The following KANSL1 variants were observed in gnomAD, a reference collection of about 807,000 sequenced individuals.
KANSL1 encodes KAT8 regulatory NSL complex subunit 1.
A neutral mutation model predicts 103.6 loss-of-function variants in KANSL1; 22 were observed. That is an observed-to-expected ratio of 0.21 (90% confidence interval 0.15 to 0.30). The LOEUF is 0.30. Among genes scored for constraint, KANSL1 ranks in the 10% least tolerant of loss-of-function variants. The probability of loss-of-function intolerance (pLI) is 1.00; values close to 1 mark genes in which losing one functional copy is unlikely to be tolerated. For missense variants in KANSL1, 1,337 were observed against 1,399.8 expected, an observed-to-expected ratio of 0.96 and a Z score of 0.72; for synonymous variants, 600 against 527.6, an observed-to-expected ratio of 1.14 and a Z score of -1.88.
intron 2 of KANSL1, among the ~76,000 whole-genome samples, chr17:46,120,792 TGAA>T (rs1425678117): frequency 6.6e-6 from 1 of 152,250 alleles, no homozygotes; most frequent in Non-Finnish European, 1.5e-5. Flanking sequence ...CGCTTTGTTT[TGAA>T]TTTTGACAAA....
intron 1 of KANSL1, among the ~76,000 whole-genome samples, chr17:46,214,451 C>T (rs560964872): frequency 1.4e-4 from 22 of 152,208 alleles, no homozygotes; most frequent in Non-Finnish European, 2.6e-4. Context: ...GTCAGGAGTT[C>T]GCAACCAGCC....
chr17:46,133,678 T>C (rs914428696), intron 2 of KANSL1, among the ~76,000 whole-genome samples: 5 of 152,234 alleles, frequency 3.3e-5, no homozygotes, highest in African/African-American at 9.6e-5. Flanking sequence ...TACAAAATAG[T>C]TGTTAAAAGT....
chr17:46,130,250 C>A (rs1204696618), intron 2 of KANSL1, among the ~76,000 whole-genome samples: 7 of 147,166 alleles, frequency 4.8e-5, no homozygotes, highest in African/African-American at 1.7e-4. Flanking sequence ...ATGCTGGAGA[C>A]CCACACCAGA....
intron 1 of KANSL1, among the ~76,000 whole-genome samples, chr17:46,209,643 G>T (rs1036208551): frequency 6.6e-6 from 1 of 152,126 alleles, no homozygotes; most frequent in African/African-American, 2.4e-5. Flanking sequence ...ACAGGCATGT[G>T]CCACCACATT....
At chr17:46,052,032 G>GAA (rs112384186) in intron 6 of KANSL1, among the ~76,000 whole-genome samples, 1 of 149,632 alleles carries the variant, frequency 6.7e-6, no homozygotes. Flanking sequence ...ATTGTTTTGG[G>GAA]AAAAAAAAAA....
chr17:46,087,359 T>C (rs1304277286), intron 3 of KANSL1, among the ~76,000 whole-genome samples: 4 of 152,208 alleles, frequency 2.6e-5, no homozygotes, highest in Non-Finnish European at 5.9e-5. Flanking sequence ...CTGGATCCTC[T>C]AATTTAATAC....
chr17:46,172,501 G>A (rs2046336933), intron 1 of KANSL1, among the ~76,000 whole-genome samples: 1 of 152,048 alleles, frequency 6.6e-6, no homozygotes, highest in Non-Finnish European at 1.5e-5. Context: ...ACACAAGTTC[G>A]ATTCAGAGAA....
intron 1 of KANSL1, among the ~76,000 whole-genome samples, chr17:46,220,703 T>C (rs567552003): frequency 3.2e-4 from 49 of 152,380 alleles, no homozygotes; most frequent in African/African-American, 1.1e-3. Context: ...TTGCTGTTGT[T>C]TGAGACAGAG....
intron 4 of KANSL1, among the ~76,000 whole-genome samples, chr17:46,078,475 T>A (rs1340118558): frequency 6.6e-6 from 1 of 152,180 alleles, no homozygotes; most frequent in East Asian, 1.9e-4. Flanking sequence ...CCCCTCCCCA[T>A]CTCCCATAGC....
Position 46,031,359 on chromosome 17 carries a change from TA to T in KANSL1, c.*116del. 1 of 954,370 alleles carries T rather than the reference TA, an allele frequency of 1.0e-6. No individual in the cohort carries two copies. Among genetic ancestry groups the T allele is most frequent in the South Asian group, 1.8e-5 (1 of 56,248 alleles). The allele number at this position is 954,370 out of a possible 1,614,324, so 59.1% of individuals were successfully genotyped here. On this transcript the variant is annotated 3_prime_UTR_variant, in exon 15 of 15. Transcript: ENST00000432791. ...ATACCAAAGTAGGATCTAAATTCCT[TA>T]AGTTCACTAAAAACTGTGAAAATTT...
At chr17:46,062,346 TAAC>T (rs887936543) in intron 6 of KANSL1, among the ~76,000 whole-genome samples, 3 of 140,364 alleles carry the variant, frequency 2.1e-5, no homozygotes, top group African/African-American at 7.7e-5. Context: ...ACAAGTGATA[TAAC>T]AACAGCTTTT....
chr17:46,053,005 A>AAAAAAAAAAAAG, intron 6 of KANSL1, among the ~76,000 whole-genome samples: 1 of 119,982 alleles, frequency 8.3e-6, no homozygotes, highest in Non-Finnish European at 1.7e-5. Context: ...AAAAAAAAAA[A>AAAAAAAAAAAAG]GGCTGCGCAT....
intron 7 of KANSL1, among the ~76,000 whole-genome samples, chr17:46,048,495 A>G (rs1386862100): frequency 6.6e-6 from 1 of 151,994 alleles, no homozygotes; most frequent in East Asian, 1.9e-4. Context: ...TGAACCCAGG[A>G]GGTGGGGGCT....
intron 2 of KANSL1, among the ~76,000 whole-genome samples, chr17:46,132,127 C>CA (rs1012201077): frequency 0.019 from 2,755 of 141,908 alleles, 79 homozygotes; most frequent in African/African-American, 0.066. Flanking sequence ...AACTCCATCT[C>CA]AAAAAAAAAA....
At chr17:46,211,094 T>C (rs906304089) in intron 1 of KANSL1, among the ~76,000 whole-genome samples, 9 of 152,118 alleles carry the variant, frequency 5.9e-5, no homozygotes, top group Non-Finnish European at 1.0e-4. Flanking sequence ...TGTTACAGCA[T>C]GGACAAATGA....
At position 46,172,184 on chromosome 17, in the gene KANSL1, G is replaced by A. The variant is rs376385390; in HGVS notation, c.-41C>T. 36 of 1,569,978 alleles carry A rather than the reference G, an allele frequency of 2.3e-5. No homozygotes were observed. Among genetic ancestry groups the A allele is most frequent in the South Asian group, 3.4e-5 (3 of 88,858 alleles). On this transcript the variant is annotated 5_prime_UTR_variant, in exon 2 of 15. Transcript: ENST00000432791. ...AGGAAGTCCAGCCTCTCCCGATGCCGAGGCCGAGGCCAGCTCCACGGCCCC... is the reference window on the plus strand; with the variant it reads ...AGGAAGTCCAGCCTCTCCCGATGCCAAGGCCGAGGCCAGCTCCACGGCCCC...
Position 46,067,619 on chromosome 17 carries a change from CAAT to C in KANSL1, c.1579_1581del (p.Ile527del), listed in dbSNP as rs1418530749. On this transcript the variant is annotated inframe_deletion, in exon 5 of 15. Transcript: ENST00000432791. ...GTAGACAGTGACTCTGAAATATGACCAATAATAGGGGCACCATGGTTTTCCAAT... is the reference window on the plus strand; with the variant it reads ...GTAGACAGTGACTCTGAAATATGACCAATAGGGGCACCATGGTTTTCCAAT... 2 of 1,607,182 alleles carry C rather than the reference CAAT, an allele frequency of 1.2e-6. No homozygotes were observed. The highest frequency in any genetic ancestry group is 3.3e-5 in the Admixed American group (2 of 59,964).
At chr17:46,196,915 C>A (rs2147961449), upstream of KANSL1, among the ~76,000 whole-genome samples, 1 of 152,092 alleles carries the variant, frequency 6.6e-6, no homozygotes, top group East Asian at 1.9e-4. Flanking sequence ...GAGAACAGCC[C>A]AGGGAAAACA....
chr17:46,033,857 C>A (rs920157869), intron 11 of KANSL1, among the ~76,000 whole-genome samples: 11 of 152,276 alleles, frequency 7.2e-5, no homozygotes, highest in Admixed American at 7.2e-4. Context: ...TATGTGAAAT[C>A]CTGCTTTGAT....
Sources: allele counts gnomAD v4.1 joint callset (sites outside exome capture counted in the v4.1 genomes callset), GRCh38; gene constraint gnomAD v4.1.1; transcripts MANE v1.5; gene names NCBI Gene and HGNC (gene_info 2026-07-23, HGNC 2026-07-21).